MCCC1: variants seen among roughly 807,000 people sequenced by gnomAD.
MCCC1 encodes methylcrotonoyl-CoA carboxylase subunit alpha, mitochondrial.
MCCC1 carries 64 observed loss-of-function variants against 83.8 expected under a neutral mutation model. The ratio of observed to expected loss-of-function variants is 0.76; its 90% CI spans 0.62 to 0.94. MCCC1 has a LOEUF of 0.94. Among genes scored for constraint, MCCC1 ranks in the 40% least tolerant of loss-of-function variants. The pLI, the probability that MCCC1 is intolerant of heterozygous loss-of-function variation, is 0.00. For missense variants in MCCC1, 807 were observed against 904.7 expected, an observed-to-expected ratio of 0.89 and a Z score of 1.39; for synonymous variants, 322 against 315.4, an observed-to-expected ratio of 1.02 and a Z score of -0.22.
chr3:183,033,711 G>T (rs1401486357), intron 14 of MCCC1, among the ~76,000 whole-genome samples: 2 of 150,774 alleles, frequency 1.3e-5, no homozygotes, highest in Non-Finnish European at 2.9e-5. Context: ...CTAACATTCT[G>T]GCATATTTCA....
intron 7 of MCCC1, among the ~76,000 whole-genome samples, chr3:183,065,852 T>C (rs1028273626): frequency 6.6e-6 from 1 of 152,246 alleles, no homozygotes; most frequent in African/African-American, 2.4e-5. Flanking sequence ...ACTGATCTGC[T>C]CTTTAACAAA....
chr3:183,018,697 C>T (rs1457120488), intron 17 of MCCC1, among the ~76,000 whole-genome samples: 1 of 152,088 alleles, frequency 6.6e-6, no homozygotes, highest in South Asian at 2.1e-4. Context: ...AGACACATTG[C>T]CAGTAGGGAA....
chr3:183,055,618 T>C (rs1483199192), intron 8 of MCCC1, among the ~76,000 whole-genome samples: 1 of 152,006 alleles, frequency 6.6e-6, no homozygotes, highest in Admixed American at 6.6e-5. Context: ...TGTTTCAGGC[T>C]GAGCACAGTG....
Position 183,022,530 on chromosome 3 carries a change from G to T in MCCC1, c.1756C>A (p.Leu586Ile). ...MQIEDKTFQV[L>I]GNLYSEGDCT... is the part of the protein sequence containing the mutation. The stretch of plus-strand genomic sequence containing the variant: ...TCTCCCTCGCTGTAAAGATTACCAA[G>T]GACTTGGAAAGTTTTATCTTCAATC... Residue 586 changes from leucine to isoleucine, a missense_variant, in exon 16 of 19, where the codon CTT becomes ATT. Transcript: ENST00000265594. 6.2e-7 allele frequency: 1 copy of T among 1,613,288 alleles called. No homozygotes were observed.
intron 8 of MCCC1, among the ~76,000 whole-genome samples, chr3:183,054,861 A>G (rs1050266795): frequency 2.6e-5 from 4 of 152,186 alleles, no homozygotes; most frequent in African/African-American, 9.6e-5. Context: ...ACAAATACTT[A>G]CCATTGTGTT....
upstream of MCCC1, among the ~76,000 whole-genome samples, chr3:183,102,758 GTTTTTTTTTTT>G (rs566199257): frequency 5.0e-3 from 261 of 52,216 alleles, 18 homozygotes; most frequent in African/African-American, 0.017. Flanking sequence ...AGCAGAGAAA[GTTTTTTTTTTT>G]TTTTTTTTTT....
At chr3:183,088,085 C>G (rs2108556301) in intron 3 of MCCC1, among the ~76,000 whole-genome samples, 1 of 151,978 alleles carries the variant, frequency 6.6e-6, no homozygotes. Context: ...AGAGAGGATG[C>G]TGGACAGAAA....
At chr3:183,024,040 C>T (rs1397218931) in intron 15 of MCCC1, among the ~76,000 whole-genome samples, 4 of 152,084 alleles carry the variant, frequency 2.6e-5, no homozygotes, top group Non-Finnish European at 5.9e-5. Context: ...CACCTGGGGT[C>T]GGGAGTTCGA....
chr3:183,022,804 C>T, intron 15 of MCCC1: 1 of 381,052 alleles, frequency 2.6e-6, no homozygotes, highest in Non-Finnish European at 4.7e-6. Context: ...CACCATAATG[C>T]TATAGATAAA....
At chr3:183,067,704 C>T (rs62293215) in intron 7 of MCCC1, among the ~76,000 whole-genome samples, 8,899 of 152,216 alleles carry the variant, frequency 0.058, 378 homozygotes, top group Non-Finnish European at 0.081. Context: ...TATTCTAATC[C>T]TGGGCATGTA....
intron 4 of MCCC1, among the ~76,000 whole-genome samples, chr3:183,075,921 T>C (rs1184510147): frequency 6.6e-6 from 1 of 152,188 alleles, no homozygotes; most frequent in Non-Finnish European, 1.5e-5. Flanking sequence ...TATTAGACTT[T>C]TGTCAGATGC....
chr3:183,088,487 G>A (rs567353923), intron 3 of MCCC1, among the ~76,000 whole-genome samples: 9 of 152,276 alleles, frequency 5.9e-5, no homozygotes, highest in African/African-American at 1.7e-4. Flanking sequence ...GATTACAGGC[G>A]TGAGCCATGG....
At chr3:183,110,166 T>G (rs542213376) in intron 1 of MCCC1, among the ~76,000 whole-genome samples, 215 of 152,304 alleles carry the variant, frequency 1.4e-3, no homozygotes, top group Middle Eastern at 3.4e-3. Flanking sequence ...GATGCCTAAT[T>G]TGCAAATATT....
chr3:183,063,899 C>A (rs184161462), intron 7 of MCCC1, among the ~76,000 whole-genome samples: 1 of 152,212 alleles, frequency 6.6e-6, no homozygotes, highest in South Asian at 2.1e-4. Context: ...TGCATACACC[C>A]GGGCAAAGGA....
chr3:183,076,978 T>A (rs933124044), intron 4 of MCCC1, among the ~76,000 whole-genome samples: 14 of 152,212 alleles, frequency 9.2e-5, no homozygotes, highest in Admixed American at 7.2e-4. Context: ...AATGGAATCA[T>A]ATAATACATG....
At chr3:183,084,691 G>A (rs1717763120) in intron 4 of MCCC1, among the ~76,000 whole-genome samples, 1 of 152,170 alleles carries the variant, frequency 6.6e-6, no homozygotes, top group Middle Eastern at 3.2e-3. Context: ...GGAGGCTGAG[G>A]TGGGAAGATC....
chr3:183,086,843 C>T (rs1717931857), intron 3 of MCCC1, 55 bp from the exon 4 acceptor site: 1 of 1,478,266 alleles, frequency 6.8e-7, no homozygotes. Context: ...CATACTCATA[C>T]ACTATACAGA....
chr3:183,114,382 C>T (rs886414896), intron 1 of MCCC1, among the ~76,000 whole-genome samples: 2 of 152,028 alleles, frequency 1.3e-5, no homozygotes, highest in East Asian at 1.9e-4. Context: ...GTCTCTCGGT[C>T]GCTGGCTAAT....
At chr3:183,095,146 C>G (rs937342409) in intron 1 of MCCC1, among the ~76,000 whole-genome samples, 1 of 151,836 alleles carries the variant, frequency 6.6e-6, no homozygotes, top group Non-Finnish European at 1.5e-5. Context: ...AGCCGGGCGT[C>G]ATGGCGGGCA....
Sources: allele counts gnomAD v4.1 joint callset (sites outside exome capture counted in the v4.1 genomes callset), GRCh38; gene constraint gnomAD v4.1.1; transcripts MANE v1.5; gene names NCBI Gene and HGNC (gene_info 2026-07-23, HGNC 2026-07-21).